The following DCBLD2 variants were observed in gnomAD, a reference collection of about 807,000 sequenced individuals.
DCBLD2 encodes the protein discoidin, CUB and LCCL domain-containing protein 2.
A neutral mutation model predicts 86.8 loss-of-function variants in DCBLD2; 54 were observed. The ratio of observed to expected loss-of-function variants is 0.62; its 90% CI spans 0.50 to 0.78. The LOEUF (loss-of-function observed/expected upper bound fraction) is 0.78. Ranked by LOEUF, DCBLD2 falls within the 30% of genes least tolerant of loss-of-function variation. The probability of loss-of-function intolerance (pLI) is 0.00; values close to 1 mark genes in which losing one functional copy is unlikely to be tolerated. For missense variants in DCBLD2, 908 were observed against 954.2 expected, an observed-to-expected ratio of 0.95 and a Z score of 0.64; for synonymous variants, 354 against 341.3, an observed-to-expected ratio of 1.04 and a Z score of -0.41.
chr3:98,854,725 C>T (rs953650340), intron 2 of DCBLD2, among the ~76,000 whole-genome samples: 3 of 152,092 alleles, frequency 2.0e-5, no homozygotes, highest in Admixed American at 6.6e-5. Context: ...AGAAAAGTGG[C>T]TATTTTGGTG....
rs181445087 is a variant in DCBLD2 at position 98,868,982 on chromosome 3, T to G, written c.433+12558A>C. Among the ~76,000 whole-genome samples the G allele has an allele frequency of 1.8e-3, 276 of 152,298 alleles. 1 individual carries two copies. The highest frequency in any genetic ancestry group is 6.4e-3 in the African/African-American group (266 of 41,568). ...TGACATATTTTCCTTTGGGCAGATA[T>G]CAGTAGTGAGACTGCTGAACTGAAT... On this transcript the variant is annotated intron_variant, in intron 2 of 15. Coordinates refer to ENST00000326840, the MANE Select transcript of DCBLD2 (RefSeq NM_080927.4).
Position 98,797,231 on chromosome 3 carries a change from C to T in DCBLD2, c.*2141G>A, listed in dbSNP as rs1387297877. ...AGGATAGCACAGTGGCAATATGAAT[C>T]GAGTCTTAAAATATGCATCATTTCA... On this transcript the variant is annotated 3_prime_UTR_variant, in exon 16 of 16. Coordinates refer to ENST00000326840, the MANE Select transcript of DCBLD2 (RefSeq NM_080927.4). 1.3e-5 allele frequency: 2 copies of T among 150,400 alleles called. No individual in the cohort carries two copies. Among genetic ancestry groups the T allele is most frequent in the Admixed American group, 6.6e-5 (1 of 15,068 alleles). The allele number at this position is 150,400 out of a possible 1,614,324, so 9.3% of individuals were successfully genotyped here.
At chr3:98,872,189 A>G (rs187212607) in intron 2 of DCBLD2, among the ~76,000 whole-genome samples, 74 of 152,326 alleles carry the variant, frequency 4.9e-4, no homozygotes, top group African/African-American at 1.7e-3. Context: ...TTCATGTTGA[A>G]GTTTAACTGC....
At chr3:98,816,288 C>T (rs1307055765) in intron 9 of DCBLD2, 5 of 148,556 alleles carry the variant, frequency 3.4e-5, no homozygotes, top group Non-Finnish European at 7.4e-5. Flanking sequence ...CAGATTTCTA[C>T]ACTTAGAGAA....
At chr3:98,841,088 G>A (rs1206887704) in intron 3 of DCBLD2, among the ~76,000 whole-genome samples, 1 of 152,176 alleles carries the variant, frequency 6.6e-6, no homozygotes, top group African/African-American at 2.4e-5. Context: ...TGTAACCATA[G>A]TATCTATAAA....
intron 2 of DCBLD2, among the ~76,000 whole-genome samples, chr3:98,854,128 G>C (rs1361546031): frequency 6.6e-6 from 1 of 152,212 alleles, no homozygotes; most frequent in African/African-American, 2.4e-5. Flanking sequence ...AATGGAATGA[G>C]AGGCAGTGAT....
chr3:98,812,530 G>C, intron 9 of DCBLD2, 48 bp from the exon 10 acceptor site: 1 of 1,538,960 alleles, frequency 6.5e-7, no homozygotes, highest in Non-Finnish European at 8.8e-7. Context: ...ATAGAGGTCA[G>C]GGCTAAATTT....
chr3:98,801,428 C>G (rs556907775), intron 14 of DCBLD2, 172 bp downstream of exon 14: 1 of 472,472 alleles, frequency 2.1e-6, no homozygotes, highest in African/African-American at 2.0e-5. Context: ...TTAGGAATTA[C>G]AAGAGACTTT....
intron 1 of DCBLD2, among the ~76,000 whole-genome samples, chr3:98,890,786 T>G (rs1392617987): frequency 6.6e-6 from 1 of 152,092 alleles, no homozygotes. Flanking sequence ...TACTACCAGC[T>G]GTTGATGTTG....
In DCBLD2 at chr3:98,837,245, G is replaced by A. The variant is rs201270326; in HGVS notation, c.572-11879C>T. ...GACGGGGTGGCTGGCCGGGCAGGGG[G>A]CCGACCCCCCCACCTCCCTCCCGGA... is the stretch of plus-strand genomic sequence containing the variant. On this transcript the variant is annotated intron_variant, in intron 3 of 15. Transcript: ENST00000326840. Among the ~76,000 whole-genome samples, 42 of 2,602 alleles carry A rather than the reference G, an allele frequency of 0.016. 19 individuals are homozygous for A. The Non-Finnish European group carries it at 0.35, about 22-fold the overall frequency. The allele number at this position is 2,602 out of a possible 152,430, so 1.7% of individuals were successfully genotyped here. A position where few individuals can be genotyped will look rare whatever the true frequency, so the allele number is the denominator to read the frequency against.
chr3:98,901,635 CTCA>C lies in DCBLD2; in HGVS notation c.-312_-310del. On this transcript the variant is annotated 5_prime_UTR_variant, in exon 1 of 16. Transcript: ENST00000326840. ...GGAACGTGCCTCCCGCGCCGCGCTC[CTCA>C]CCAGGGTCGCCGCTCGCCGCGCTCA... The C allele has an allele frequency of 4.5e-6, 1 of 222,778 alleles. No individual in the cohort carries two copies. The highest frequency in any genetic ancestry group is 8.8e-5 in the East Asian group (1 of 11,362). The allele number at this position is 222,778 out of a possible 1,614,324, so 13.8% of individuals were successfully genotyped here. A position where few individuals can be genotyped will look rare whatever the true frequency, so the allele number is the denominator to read the frequency against.
chr3:98,805,659 C>A (rs1941824204), intron 13 of DCBLD2, among the ~76,000 whole-genome samples: 2 of 152,138 alleles, frequency 1.3e-5, no homozygotes. Context: ...TCAGTGATTT[C>A]AACTACGTTC....
chr3:98,849,415 T>A, intron 3 of DCBLD2, 46 bp downstream of exon 3: 1 of 1,611,876 alleles, frequency 6.2e-7, no homozygotes, highest in South Asian at 1.1e-5. Context: ...ATTTTTGTTG[T>A]TAGAAATTAC....
intron 3 of DCBLD2, among the ~76,000 whole-genome samples, chr3:98,834,851 T>G (rs1285286359): frequency 6.6e-6 from 1 of 152,272 alleles, no homozygotes; most frequent in African/African-American, 2.4e-5. Flanking sequence ...CTTTGACATC[T>G]GGAACTTCCT....
At chr3:98,888,099 G>C (rs1943593285) in intron 1 of DCBLD2, among the ~76,000 whole-genome samples, 1 of 152,028 alleles carries the variant, frequency 6.6e-6, no homozygotes, top group Non-Finnish European at 1.5e-5. Flanking sequence ...TTTTCGGATT[G>C]GCTGCTTTCA....
intron 3 of DCBLD2, among the ~76,000 whole-genome samples, chr3:98,840,501 G>A (rs942033860): frequency 1.6e-4 from 24 of 152,130 alleles, no homozygotes; most frequent in African/African-American, 5.8e-4. Context: ...GTACGGGGCA[G>A]TATATAATTT....
In DCBLD2 at chr3:98,797,481, T is replaced by C. The variant is rs1941630895; in HGVS notation, c.*1891A>G. The C allele has an allele frequency of 6.6e-6, 1 of 152,594 alleles. No individual in the cohort carries two copies. The highest frequency in any genetic ancestry group is 2.4e-5 in the African/African-American group (1 of 41,460). 9.5% of individuals were successfully genotyped at this position (152,594 alleles called of 1,614,324 possible). ...ACTAAGGATGAATTAAAAAATCAACTGGTTTGCTCTCTTCCCACCTGAAAA... is the reference window on the plus strand; with the variant it reads ...ACTAAGGATGAATTAAAAAATCAACCGGTTTGCTCTCTTCCCACCTGAAAA... On this transcript the variant is annotated 3_prime_UTR_variant, in exon 16 of 16. Transcript: ENST00000326840.
intron 1 of DCBLD2, 89 bp downstream of exon 1, chr3:98,901,033 C>G: frequency 1.3e-6 from 2 of 1,529,512 alleles, no homozygotes; most frequent in South Asian, 2.4e-5. Flanking sequence ...CCGCGCCTCC[C>G]TGCAGCGTCT....
chr3:98,823,075 G>C (rs1436010916), intron 4 of DCBLD2, among the ~76,000 whole-genome samples: 2 of 152,122 alleles, frequency 1.3e-5, no homozygotes, highest in African/African-American at 4.8e-5. Flanking sequence ...GTTTCACCAT[G>C]TTGGCCAGGC....
Sources: gnomAD v4.1 joint callset for allele counts (sites outside exome capture counted in the v4.1 genomes callset) on GRCh38, gnomAD v4.1.1 for gene constraint, MANE v1.5 for transcripts, NCBI Gene and HGNC (gene_info 2026-07-23, HGNC 2026-07-21) for gene names.